The following ECD variants were observed in gnomAD, a reference collection of about 807,000 sequenced individuals.
The protein encoded by ECD is protein ecdysoneless homolog.
ECD carries 59 observed loss-of-function variants against 77.2 expected under a neutral mutation model. The observed-to-expected ratio is 0.76, with a 90% CI of 0.62 to 0.95. The LOEUF (loss-of-function observed/expected upper bound fraction) is 0.95, where lower values mean the gene tolerates loss of function less well. Ranked by LOEUF, ECD falls within the 40% of genes least tolerant of loss-of-function variation. The pLI, the probability that ECD is intolerant of heterozygous loss-of-function variation, is 0.00. For missense variants in ECD, 704 were observed against 763.4 expected (o/e 0.92, Z 0.92); for synonymous variants, 233 against 267.4 (o/e 0.87, Z 1.26).
chr10:73,161,843 C>T (rs1243152446), intron 2 of ECD, among the ~76,000 whole-genome samples: 1 of 152,268 alleles, frequency 6.6e-6, no homozygotes, highest in East Asian at 1.9e-4. Flanking sequence ...CACGACCAAG[C>T]GAGATTTATT....
intron 1 of ECD, among the ~76,000 whole-genome samples, chr10:73,166,072 T>G (rs1843454441): frequency 6.6e-6 from 1 of 152,322 alleles, no homozygotes; most frequent in East Asian, 1.9e-4. Flanking sequence ...CATTTGAAGT[T>G]TATCTTTCTG....
At chr10:73,136,203 A>G (rs1393844281) in intron 13 of ECD, among the ~76,000 whole-genome samples, 2 of 152,224 alleles carry the variant, frequency 1.3e-5, no homozygotes, top group Non-Finnish European at 2.9e-5. Flanking sequence ...CGGAAGGTGA[A>G]TCCTAAATTT....
chr10:73,156,119 AT>A lies in ECD; in HGVS notation c.590+155del, dbSNP rs753311523. On this transcript the variant is annotated intron_variant, in intron 5 of 13. Transcript: ENST00000372979. ...AAAGAGGAATGAAGACAAAATGAAA[AT>A]TAGCATTAATCTAGGTGAAAGGTAT... Among the ~76,000 whole-genome samples the A allele has an allele frequency of 7.5e-4, 114 of 152,318 alleles. 2 individuals are homozygous for A. The highest frequency in any genetic ancestry group is 1.0e-3 in the Admixed American group (16 of 15,300).
chr10:73,140,889 C>T (rs954886026), intron 9 of ECD, among the ~76,000 whole-genome samples: 1 of 150,292 alleles, frequency 6.7e-6, no homozygotes, highest in African/African-American at 2.4e-5. Flanking sequence ...GTTAATAGTA[C>T]ATATACATAT....
In ECD at chr10:73,139,679, C is replaced by T; in HGVS notation, c.1186G>A (p.Asp396Asn). ...ILTLLQTIPF[D>N]IEDLKKEAAN... ...GCTTCTTTCTTAAGGTCTTCTATAT[C>T]AAATGGTATTGTCTGTAATAAGGTT... Residue 396 changes from aspartate (D) to asparagine (N), a missense_variant, in exon 10 of 14, where the codon GAT becomes AAT. Around this residue, in one of 3 missense-constraint regions of ECD, gnomAD observed 559 missense variants for 583.7 expected, o/e 0.96. Coordinates refer to ENST00000372979, the MANE Select transcript of ECD (RefSeq NM_007265.3). 6.2e-7 allele frequency: 1 copy of T among 1,612,100 alleles called. No individual in the cohort carries two copies. Among genetic ancestry groups the T allele is most frequent in the African/African-American group, 1.3e-5 (1 of 74,806 alleles).
At chr10:73,150,197 C>G (rs937655545) in intron 7 of ECD, among the ~76,000 whole-genome samples, 2 of 152,140 alleles carry the variant, frequency 1.3e-5, no homozygotes, top group East Asian at 1.9e-4. Context: ...TGGAACAGAA[C>G]AGAGCCCTCA....
intron 6 of ECD, 148 bp from the exon 7 acceptor site, chr10:73,152,569 T>C: frequency 1.1e-6 from 1 of 894,120 alleles, no homozygotes; most frequent in Non-Finnish European, 1.6e-6. Flanking sequence ...ATTGCCTACT[T>C]GTTTTTAGTA....
chr10:73,160,360 C>A, intron 3 of ECD, 74 bp downstream of exon 3: 2 of 983,774 alleles, frequency 2.0e-6, no homozygotes, highest in South Asian at 1.8e-5. Flanking sequence ...AAATAAATTA[C>A]TAAATAGATA....
chr10:73,165,357 T>C (rs1172149196), intron 1 of ECD, among the ~76,000 whole-genome samples: 1 of 152,048 alleles, frequency 6.6e-6, no homozygotes, highest in African/African-American at 2.4e-5. Context: ...TCTTTTTCTT[T>C]TCTTTTTTTT....
chr10:73,146,365 A>G lies in ECD; in HGVS notation c.1042-4T>C, dbSNP rs752741407. 3.0e-6 allele frequency: 1 copy of G among 334,734 alleles called. No homozygotes were observed. Among genetic ancestry groups the G allele is most frequent in the South Asian group, 8.3e-5 (1 of 12,000 alleles). The allele number at this position is 334,734 out of a possible 1,614,324, so 20.7% of individuals were successfully genotyped here. On this transcript the variant is annotated splice_region_variant and splice_polypyrimidine_tract_variant and intron_variant, in intron 8 of 13. Coordinates refer to ENST00000372979, the MANE Select transcript of ECD (RefSeq NM_007265.3). ...GAGCAGAACCTTCTATCAGTCCCTT[A>G]AAAAAAAAAAAAGGTCTATCAGAAC...
Position 73,152,392 on chromosome 10 carries a change from T to C in ECD, c.813A>G (p.Gln271=), listed in dbSNP as rs1158353912. The C allele has an allele frequency of 4.3e-6, 7 of 1,613,796 alleles. No homozygotes were observed. In the East Asian group the frequency reaches 6.7e-5, roughly 15 times the overall value. The change falls in exon 7 of 14, where the codon CAA becomes CAG. Residue 271 remains glutamine, a synonymous_variant. Transcript: ENST00000372979. ...CTGGCACAAACCTTTGTTGCACCAA[T>C]TGTGCATATAGACATTTAGTGAATG... ...SVTFTKCLYA[Q]LVQQRFVPDR... is the part of the protein sequence containing the mutation.
At chr10:73,155,685 G>A (rs1003640131) in intron 5 of ECD, among the ~76,000 whole-genome samples, 3 of 142,866 alleles carry the variant, frequency 2.1e-5, no homozygotes, top group South Asian at 4.5e-4. Flanking sequence ...TGCAACCTCC[G>A]CCTCCCGGGT....
chr10:73,140,507 C>T lies in ECD; in HGVS notation c.1128-770G>A, dbSNP rs1463000903. On this transcript the variant is annotated intron_variant, in intron 9 of 13. Transcript: ENST00000372979. ...AGTTCACTTGGCCAACATGGTGAAA[C>T]CCCGTCTCTACTAAAAATACAAAAA... Among the ~76,000 whole-genome samples, 11 of 151,422 alleles carry T rather than the reference C, an allele frequency of 7.3e-5. No individual in the cohort carries two copies. The East Asian group carries it at 1.6e-3, about 22-fold the overall frequency.
chr10:73,146,231 A>T, intron 9 of ECD, 45 bp downstream of exon 9: 1 of 989,918 alleles, frequency 1.0e-6, no homozygotes, highest in Non-Finnish European at 1.5e-6. Flanking sequence ...AAAAAGAACT[A>T]CCTAAATACC....
chr10:73,143,804 A>T, intron 9 of ECD, among the ~76,000 whole-genome samples: 7 of 127,438 alleles, frequency 5.5e-5, no homozygotes, highest in African/African-American at 9.2e-5. Flanking sequence ...TTTTTTTGGT[A>T]CCCATTACTG....
In ECD at chr10:73,134,360, G is replaced by A; in HGVS notation, c.*223C>T. On this transcript the variant is annotated 3_prime_UTR_variant, in exon 14 of 14. Coordinates refer to ENST00000372979, the MANE Select transcript of ECD (RefSeq NM_007265.3). ...GTGAATTTCATCTCAAGGTTGTCTAGGGGCTAGATTCTACCCTGCCGAGTT... is the reference window on the plus strand; with the variant it reads ...GTGAATTTCATCTCAAGGTTGTCTAAGGGCTAGATTCTACCCTGCCGAGTT... 1 of 517,114 alleles carries A rather than the reference G, an allele frequency of 1.9e-6. No homozygotes were observed. 32.0% of individuals were successfully genotyped at this position (517,114 alleles called of 1,614,324 possible).
At chr10:73,141,062 A>T (rs1053945913) in intron 9 of ECD, among the ~76,000 whole-genome samples, 1 of 152,068 alleles carries the variant, frequency 6.6e-6, no homozygotes, top group African/African-American at 2.4e-5. Context: ...TTTTGTTACT[A>T]TTATAGAAGG....
chr10:73,163,356 A>G (rs1843405513), intron 2 of ECD, among the ~76,000 whole-genome samples: 1 of 152,208 alleles, frequency 6.6e-6, no homozygotes, highest in East Asian at 1.9e-4. Flanking sequence ...CCTACCAAAC[A>G]CATCACCAAA....
chr10:73,146,365 A>T lies in ECD; in HGVS notation c.1042-4T>A. 9.0e-6 allele frequency: 3 copies of T among 334,684 alleles called. No homozygotes were observed. The highest frequency in any genetic ancestry group is 1.4e-5 in the Non-Finnish European group (3 of 221,606). 20.7% of individuals were successfully genotyped at this position (334,684 alleles called of 1,614,324 possible). A position where few individuals can be genotyped will look rare whatever the true frequency, so the allele number is the denominator to read the frequency against. On this transcript the variant is annotated splice_region_variant and splice_polypyrimidine_tract_variant and intron_variant, in intron 8 of 13. Transcript: ENST00000372979. Reference sequence around the variant, plus strand: ...GAGCAGAACCTTCTATCAGTCCCTTAAAAAAAAAAAAAGGTCTATCAGAAC... The same window carrying T: ...GAGCAGAACCTTCTATCAGTCCCTTTAAAAAAAAAAAAGGTCTATCAGAAC...
Sources: allele counts gnomAD v4.1 joint callset (sites outside exome capture counted in the v4.1 genomes callset), GRCh38; gene constraint gnomAD v4.1.1; regional missense constraint gnomAD v4.1.1; transcripts MANE v1.5; gene names NCBI Gene and HGNC (gene_info 2026-07-23, HGNC 2026-07-21).